Variants in ATF7 observed in about 807,000 individuals in gnomAD.
The protein encoded by ATF7 is cyclic AMP-dependent transcription factor ATF-7.
In ATF7, 10 loss-of-function variants were observed where a neutral mutation model predicts 50.4. That is an observed-to-expected ratio of 0.20 (90% confidence interval 0.12 to 0.34). The LOEUF is 0.34. ATF7 is among the 10% of genes least tolerant of loss of function. ATF7 has a pLI of 1.00. For synonymous variants in ATF7, 201 were observed against 226.4 expected, an observed-to-expected ratio of 0.89 and a Z score of 1.01; for missense variants, 465 against 613.9, an observed-to-expected ratio of 0.76 and a Z score of 2.56.
intron 3 of ATF7, among the ~76,000 whole-genome samples, chr12:53,551,922 T>C (rs1940382039): frequency 6.6e-6 from 1 of 152,202 alleles, no homozygotes; most frequent in Non-Finnish European, 1.5e-5. Context: ...TGAGAGCAGT[T>C]GCTAAGAGGG....
chr12:53,622,036 C>T (rs1944402712), intron 1 of ATF7, among the ~76,000 whole-genome samples: 1 of 152,120 alleles, frequency 6.6e-6, no homozygotes, highest in Non-Finnish European at 1.5e-5. Context: ...CTCAGTGGCT[C>T]ATGCCTGTAA....
chr12:53,563,454 G>A (rs946678447), intron 2 of ATF7, among the ~76,000 whole-genome samples: 6 of 115,830 alleles, frequency 5.2e-5, no homozygotes, highest in African/African-American at 1.3e-4. Flanking sequence ...CACCTCTACC[G>A]AAAAGAAAAA....
chr12:53,559,953 G>A (rs1024849066), intron 2 of ATF7, among the ~76,000 whole-genome samples: 8 of 151,772 alleles, frequency 5.3e-5, no homozygotes, highest in Non-Finnish European at 1.0e-4. Context: ...ATGGAGTTTC[G>A]CTCTTGTTGC....
chr12:53,517,942 G>A (rs1937825507), intron 11 of ATF7, among the ~76,000 whole-genome samples: 1 of 152,086 alleles, frequency 6.6e-6, no homozygotes, highest in Admixed American at 6.6e-5. Context: ...TCAGCTCATT[G>A]CAACCTCTGC....
At chr12:53,568,214 A>C (rs1941553567) in intron 2 of ATF7, among the ~76,000 whole-genome samples, 1 of 152,238 alleles carries the variant, frequency 6.6e-6, no homozygotes, top group Admixed American at 6.5e-5. Context: ...CTGAGACCAC[A>C]ATAACAAAAA....
chr12:53,550,265 G>A (rs1324753901), intron 3 of ATF7, among the ~76,000 whole-genome samples: 3 of 150,262 alleles, frequency 2.0e-5, no homozygotes, highest in Non-Finnish European at 4.4e-5. Flanking sequence ...GGGAGGTTGT[G>A]GTGAGCCGAG....
At chr12:53,555,262 T>C (rs1039975095) in intron 2 of ATF7, among the ~76,000 whole-genome samples, 6 of 150,532 alleles carry the variant, frequency 4.0e-5, no homozygotes, top group East Asian at 2.0e-4. Flanking sequence ...TAGACGGAGG[T>C]TGCAGTGAGC....
At chr12:53,593,631 C>T (rs765947760) in intron 2 of ATF7, among the ~76,000 whole-genome samples, 3 of 152,140 alleles carry the variant, frequency 2.0e-5, no homozygotes, top group South Asian at 2.1e-4. Context: ...TTAGTAATGG[C>T]GCTTTTACTT....
intron 3 of ATF7, among the ~76,000 whole-genome samples, chr12:53,551,083 T>A (rs1354587091): frequency 1.3e-5 from 2 of 152,236 alleles, no homozygotes; most frequent in Non-Finnish European, 2.9e-5. Flanking sequence ...ACAATTTTTT[T>A]ATGAATATAT....
rs1592781895 is a variant in ATF7, at chr12:53,524,852, T to C, written c.928-91A>G. 8.4e-7 allele frequency: 1 copy of C among 1,190,598 alleles called. No homozygotes were observed. The highest frequency in any genetic ancestry group is 1.1e-6 in the Non-Finnish European group (1 of 873,732). 73.8% of individuals were successfully genotyped at this position (1,190,598 alleles called of 1,614,324 possible). A position where few individuals can be genotyped will look rare whatever the true frequency, so the allele number is the denominator to read the frequency against. ...TGTTAGGTAGAGTAGTAAGATCTGG[T>C]AAAAGGATATACCAGCCTCTGGTAA... On this transcript the variant is annotated intron_variant, in intron 9 of 11. Coordinates refer to ENST00000420353, the MANE Select transcript of ATF7 (RefSeq NM_006856.3). The surrounding 1 kb of genome is among the most constrained non-coding windows in gnomAD (Gnocchi z 4.6).
intron 2 of ATF7, among the ~76,000 whole-genome samples, chr12:53,585,139 A>G (rs898634331): frequency 6.6e-6 from 1 of 151,942 alleles, no homozygotes; most frequent in Admixed American, 6.6e-5. Flanking sequence ...CACCTGGCTA[A>G]TTTTTAATTT....
chr12:53,546,767 T>C (rs1244756471), intron 3 of ATF7, among the ~76,000 whole-genome samples: 1 of 150,980 alleles, frequency 6.6e-6, no homozygotes, highest in Non-Finnish European at 1.5e-5. Context: ...CTTTTTTTTT[T>C]CTTTTTTTGA....
At chr12:53,570,546 G>C (rs998220828) in intron 2 of ATF7, among the ~76,000 whole-genome samples, 5 of 152,112 alleles carry the variant, frequency 3.3e-5, no homozygotes, top group African/African-American at 9.7e-5. Context: ...AACATACCAG[G>C]TGGCTTAAAC....
intron 2 of ATF7, among the ~76,000 whole-genome samples, chr12:53,600,236 T>C (rs981343975): frequency 6.6e-6 from 1 of 152,248 alleles, no homozygotes; most frequent in African/African-American, 2.4e-5. Context: ...AAATAGATTC[T>C]GGCAAATTGA....
chr12:53,530,368 C>T lies in ATF7; in HGVS notation c.927+1376G>A, dbSNP rs1938793901. ...TAATTCTAGAAACTAATCTCAGGTG[C>T]TGTCACCTGTTCAGTGCAGATGATA... On this transcript the variant is annotated intron_variant, in intron 9 of 11. Transcript: ENST00000420353. Among the ~76,000 whole-genome samples, 6 of 152,272 alleles carry T rather than the reference C, an allele frequency of 3.9e-5. No individual in the cohort carries two copies. In the Middle Eastern group the frequency reaches 0.014, roughly 345 times the overall value.
chr12:53,525,927 C>A (rs1938424887), intron 9 of ATF7, among the ~76,000 whole-genome samples: 1 of 152,142 alleles, frequency 6.6e-6, no homozygotes, highest in South Asian at 2.1e-4. Context: ...GTTATACCGA[C>A]CAGCTGGGCA....
chr12:53,584,699 C>G (rs928357134), intron 2 of ATF7, among the ~76,000 whole-genome samples: 1 of 152,056 alleles, frequency 6.6e-6, no homozygotes, highest in African/African-American at 2.4e-5. Flanking sequence ...GAATATTACT[C>G]AGCACTAAAA....
intron 3 of ATF7, among the ~76,000 whole-genome samples, chr12:53,549,836 A>G (rs1265091902): frequency 6.6e-6 from 1 of 151,722 alleles, no homozygotes; most frequent in African/African-American, 2.4e-5. Context: ...TGCCTGCCTC[A>G]GCCTCCCAAA....
chr12:53,526,579 T>C lies in ATF7; in HGVS notation c.928-1818A>G, dbSNP rs1214049192. 4.6e-5 allele frequency among the ~76,000 whole-genome samples: 7 copies of C among 152,174 alleles called. No homozygotes were observed. In the South Asian group the frequency reaches 1.0e-3, roughly 23 times the overall value. On this transcript the variant is annotated intron_variant, in intron 9 of 11. Coordinates refer to ENST00000420353, the MANE Select transcript of ATF7 (RefSeq NM_006856.3). ...ACTTTGGGATGGCTTCTGGTAATAT[T>C]AGGATGGCTTCTGGTAATCCCAATA...
Sources: allele counts gnomAD v4.1 joint callset (sites outside exome capture counted in the v4.1 genomes callset), GRCh38; gene constraint gnomAD v4.1.1; non-coding constraint Gnocchi (gnomAD v3.1); transcripts MANE v1.5; gene names NCBI Gene and HGNC (gene_info 2026-07-23, HGNC 2026-07-21).